The following DRD3 variants were observed in gnomAD, a reference collection of about 807,000 sequenced individuals.
DRD3 encodes the protein dopamine receptor D3, also known as D(3) dopamine receptor.
Under a neutral mutation model 36.3 loss-of-function variants are expected in DRD3, and 19 were observed. The ratio of observed to expected loss-of-function variants is 0.52; its 90% CI spans 0.36 to 0.77. The LOEUF (loss-of-function observed/expected upper bound fraction) is 0.77, where lower values mean the gene tolerates loss of function less well. Ranked by LOEUF, DRD3 falls within the 30% of genes least tolerant of loss-of-function variation. The pLI is 0.00. For missense variants in DRD3, 465 were observed against 505.3 expected (o/e 0.92, Z 0.77); for synonymous variants, 195 against 203.7 (o/e 0.96, Z 0.36).
upstream of DRD3, among the ~76,000 whole-genome samples, chr3:114,179,628 C>T (rs566987343): frequency 6.6e-6 from 1 of 152,254 alleles, no homozygotes; most frequent in Non-Finnish European, 1.5e-5. Flanking sequence ...CTTATGGTCA[C>T]CTGTTCATCT....
intron 4 of DRD3, among the ~76,000 whole-genome samples, chr3:114,141,912 G>C (rs760700604): frequency 2.6e-5 from 4 of 151,948 alleles, no homozygotes; most frequent in Non-Finnish European, 5.9e-5. Context: ...TAGCCGGTGT[G>C]GTAGCACACA....
At chr3:114,156,781 TTCTTTCTTTCTTTCTTTC>T (rs1559991125) in intron 3 of DRD3, among the ~76,000 whole-genome samples, 142 of 124,746 alleles carry the variant, frequency 1.1e-3, no homozygotes, top group Middle Eastern at 7.9e-3. Context: ...CTTTCTTTCT[TTCTTTCTTTCTTTCTTTC>T]TCTTTTCTTT....
intron 3 of DRD3, 37 bp from the exon 4 acceptor site, chr3:114,147,594 G>A (rs771974349): frequency 3.8e-6 from 6 of 1,590,184 alleles, no homozygotes; most frequent in Non-Finnish European, 1.7e-6. Context: ...GGCATGGTGA[G>A]ATGGAATGGG....
At chr3:114,191,900 T>C (rs2078012608) in intron 1 of DRD3, among the ~76,000 whole-genome samples, 1 of 152,226 alleles carries the variant, frequency 6.6e-6, no homozygotes, top group East Asian at 1.9e-4. Flanking sequence ...GGAAACATGC[T>C]GTAGAAATAA....
At chr3:114,156,899 TCTTC>T (rs1166117865) in intron 3 of DRD3, among the ~76,000 whole-genome samples, 1 of 149,406 alleles carries the variant, frequency 6.7e-6, no homozygotes, top group Non-Finnish European at 1.5e-5. Context: ...TCTTCTCTTT[TCTTC>T]CTTCCTTCTT....
At chr3:114,141,852 C>T (rs1202470699) in intron 4 of DRD3, among the ~76,000 whole-genome samples, 2 of 151,972 alleles carry the variant, frequency 1.3e-5, no homozygotes, top group South Asian at 2.1e-4. Context: ...GAGTTCGAGA[C>T]GAGCCTGACC....
chr3:114,139,718 G>C, intron 4 of DRD3, 22 bp from the exon 5 acceptor site: 2 of 1,609,808 alleles, frequency 1.2e-6, no homozygotes, highest in Non-Finnish European at 1.7e-6. Context: ...AAGGGGGAAG[G>C]TAAAGCAGTT....
intron 5 of DRD3, among the ~76,000 whole-genome samples, chr3:114,132,295 C>T (rs2107829845): frequency 6.6e-6 from 1 of 152,190 alleles, no homozygotes; most frequent in East Asian, 1.9e-4. Context: ...CCTCAGCAAA[C>T]TAACATAGGA....
chr3:114,151,293 C>G (rs993542042), intron 3 of DRD3, among the ~76,000 whole-genome samples: 1 of 152,088 alleles, frequency 6.6e-6, no homozygotes, highest in African/African-American at 2.4e-5. Context: ...GACTGAACAG[C>G]GAGGGGAAGG....
intron 1 of DRD3, among the ~76,000 whole-genome samples, chr3:114,197,133 G>A (rs77854926): frequency 6.8e-6 from 1 of 146,574 alleles, no homozygotes; most frequent in Non-Finnish European, 1.5e-5. Context: ...TTTTTTTTAA[G>A]TCAAGATCTT....
intron 1 of DRD3, among the ~76,000 whole-genome samples, chr3:114,190,086 A>G (rs1192969044): frequency 6.6e-6 from 1 of 152,062 alleles, no homozygotes; most frequent in East Asian, 1.9e-4. Context: ...ATTCACTCAT[A>G]AAAACATAAT....
At position 114,171,942 on chromosome 3, in the gene DRD3, T is replaced by C. The variant is rs3732783; in HGVS notation, c.51A>G (p.Ala17=). The C allele has an allele frequency of 0.067, 106,289 of 1,579,198 alleles. 4,314 individuals carry two copies. The highest frequency in any genetic ancestry group is 0.14 in the South Asian group (12,114 of 85,482). The change falls in exon 2 of 7, where the codon GCA becomes GCG. Residue 17 remains alanine, a synonymous_variant. Transcript: ENST00000383673. ...LSGHLNYTCG[A]ENSTGASQAR... ...CCTGGCTGGCACCTGTGGAGTTCTCTGCCCCACAGGTGTAGTTCAGGTGGC... is the reference window on the plus strand; with the variant it reads ...CCTGGCTGGCACCTGTGGAGTTCTCCGCCCCACAGGTGTAGTTCAGGTGGC...
At chr3:114,164,220 CAA>C (rs34500434) in intron 2 of DRD3, among the ~76,000 whole-genome samples, 52 of 17,756 alleles carry the variant, frequency 2.9e-3, no homozygotes, top group African/African-American at 4.5e-3. Flanking sequence ...GCCTCAGTCT[CAA>C]AAAAAAAAAA....
upstream of DRD3, among the ~76,000 whole-genome samples, chr3:114,179,452 T>C (rs550745380): frequency 1.3e-5 from 2 of 152,348 alleles, no homozygotes; most frequent in African/African-American, 4.8e-5. Flanking sequence ...TTAGCAGCAC[T>C]TCTTGTTTTC....
At chr3:114,152,903 T>C (rs2077631468) in intron 3 of DRD3, among the ~76,000 whole-genome samples, 1 of 152,262 alleles carries the variant, frequency 6.6e-6, no homozygotes, top group Non-Finnish European at 1.5e-5. Context: ...TCTGAACATC[T>C]GGCCGCTGCG....
intron 1 of DRD3, among the ~76,000 whole-genome samples, chr3:114,172,359 G>A (rs1443768929): frequency 6.6e-6 from 1 of 152,204 alleles, no homozygotes; most frequent in Non-Finnish European, 1.5e-5. Context: ...GAGTATCTGA[G>A]TATAATCAGG....
chr3:114,185,168 G>T (rs1404617834), intron 1 of DRD3, among the ~76,000 whole-genome samples: 1 of 152,056 alleles, frequency 6.6e-6, no homozygotes, highest in East Asian at 1.9e-4. Context: ...AAACTTTTCT[G>T]CCATTATTTC....
At chr3:114,194,788 A>G (rs2078028375) in intron 1 of DRD3, among the ~76,000 whole-genome samples, 1 of 150,958 alleles carries the variant, frequency 6.6e-6, no homozygotes, top group African/African-American at 2.4e-5. Context: ...GCTTCCTTCC[A>G]TGGGAAAGAC....
intron 5 of DRD3, among the ~76,000 whole-genome samples, chr3:114,137,155 G>T (rs938024529): frequency 6.6e-6 from 1 of 152,202 alleles, no homozygotes; most frequent in Non-Finnish European, 1.5e-5. Context: ...GTTTCATTCT[G>T]GGGTGAGAGT....
Sources: gnomAD v4.1 joint callset for allele counts (sites outside exome capture counted in the v4.1 genomes callset) on GRCh38, gnomAD v4.1.1 for gene constraint, MANE v1.5 for transcripts, NCBI Gene and HGNC (gene_info 2026-07-23, HGNC 2026-07-21) for gene names.